APLP2: variants seen among roughly 807,000 people sequenced by gnomAD.
The protein encoded by APLP2 is CDEI box-binding protein.
In APLP2, 53 loss-of-function variants were observed where a neutral mutation model predicts 89.9. That is an observed-to-expected ratio of 0.59 (90% CI 0.47 to 0.74). The LOEUF (loss-of-function observed/expected upper bound fraction) is 0.74. APLP2 is among the 30% of genes least tolerant of loss of function. APLP2 has a pLI of 0.00. For missense variants in APLP2, 973 were observed against 975.9 expected, an observed-to-expected ratio of 1.00 and a Z score of 0.04; for synonymous variants, 372 against 348.6, an observed-to-expected ratio of 1.07 and a Z score of -0.75.
chr11:130,082,247 G>A (rs1943284495), intron 1 of APLP2, among the ~76,000 whole-genome samples: 2 of 151,870 alleles, frequency 1.3e-5, no homozygotes, highest in Non-Finnish European at 2.9e-5. Flanking sequence ...ACAGTGGCAC[G>A]ATTTTGGCTC....
intron 9 of APLP2, among the ~76,000 whole-genome samples, chr11:130,128,578 A>G (rs1204543075): frequency 1.3e-5 from 2 of 152,212 alleles, no homozygotes; most frequent in South Asian, 2.1e-4. Flanking sequence ...CTTGCCCTTC[A>G]TGACTTTATT....
At chr11:130,096,730 A>G (rs1235854887) in intron 1 of APLP2, among the ~76,000 whole-genome samples, 2 of 152,156 alleles carry the variant, frequency 1.3e-5, no homozygotes, top group African/African-American at 4.8e-5. Flanking sequence ...AAAAATACCA[A>G]AAAAGGTGCT....
At chr11:130,106,914 C>CT (rs5795688) in intron 1 of APLP2, among the ~76,000 whole-genome samples, 9,256 of 152,206 alleles carry the variant, frequency 0.061, 738 homozygotes, top group East Asian at 0.24. Context: ...GTCTCGAACT[C>CT]TCGACCTCGT....
In APLP2 at chr11:130,069,920, A is replaced by C. The variant is rs545138766; in HGVS notation, c.-58A>C. The C allele has an allele frequency of 7.6e-7, 1 of 1,323,384 alleles. No individual in the cohort carries two copies. Among genetic ancestry groups the C allele is most frequent in the Admixed American group, 2.2e-5 (1 of 44,996 alleles). 82.0% of individuals were successfully genotyped at this position (1,323,384 alleles called of 1,614,324 possible). A position where few individuals can be genotyped will look rare whatever the true frequency, so the allele number is the denominator to read the frequency against. On this transcript the variant is annotated 5_prime_UTR_variant, in exon 1 of 17. Coordinates refer to ENST00000338167, the MANE Select transcript of APLP2 (RefSeq NM_001142276.2). ...GATGCTTCTGGGTCGCGGTGTGCTA[A>C]GCGAGGAGTCCGAGTGTGTGAGCTT... is the stretch of plus-strand genomic sequence containing the variant.
intron 1 of APLP2, chr11:130,100,449 G>T (rs1946753719): frequency 6.7e-6 from 1 of 149,114 alleles, no homozygotes; most frequent in African/African-American, 2.5e-5. Flanking sequence ...GTTCTGCGTG[G>T]TTTTTTTTTT....
In APLP2 at chr11:130,130,041, C is replaced by G. The variant is rs778916859; in HGVS notation, c.1459C>G (p.His487Asp). ...AALQSDPPRPHRILQALRRYV... is the reference protein window; with the variant it reads ...AALQSDPPRPDRILQALRRYV... ...AAACAACTGTTCTCTCTTGCAGCCT[C>G]ATCGCATTCTCCAGGCCTTACGGCG... The change falls in exon 11 of 17, where the codon CAT becomes GAT. Residue 487 changes from histidine to aspartate, a missense_variant. Physicochemically the swap from His to Asp is moderately conservative, Grantham distance 81. Transcript: ENST00000338167. 44 of 1,614,204 alleles carry G rather than the reference C, an allele frequency of 2.7e-5. 1 individual carries two copies. The highest frequency in any genetic ancestry group is 3.3e-5 in the Non-Finnish European group (39 of 1,179,992).
In APLP2 at chr11:130,140,392, A is replaced by G; in HGVS notation, c.1838-6A>G. On this transcript the variant is annotated splice_polypyrimidine_tract_variant and splice_region_variant and intron_variant, in intron 13 of 16. Coordinates refer to ENST00000338167, the MANE Select transcript of APLP2 (RefSeq NM_001142276.2). ...GGGAACTCAGCCATGATCTCTCTCC[A>G]CACAGGATCTGGAGTGGGAGAGCAG... is the stretch of plus-strand genomic sequence containing the variant. 6.2e-7 allele frequency: 1 copy of G among 1,600,430 alleles called. No individual in the cohort carries two copies. Among genetic ancestry groups the G allele is most frequent in the Non-Finnish European group, 8.5e-7 (1 of 1,174,228 alleles).
At chr11:130,113,550 C>T (rs949596909) in intron 3 of APLP2, among the ~76,000 whole-genome samples, 4 of 152,084 alleles carry the variant, frequency 2.6e-5, no homozygotes, top group African/African-American at 7.2e-5. Context: ...TGAGCCTAAA[C>T]GAATAAGGGG....
rs778175330 is a variant in APLP2 at position 130,126,814 on chromosome 11, G to A, written c.1205G>A (p.Arg402His). The part of the protein sequence containing the change: ...KAKEQLEIRH[R>H]NRMDRVKKEW... ...AAGGAGCAGCTGGAGATTCGGCACC[G>A]CAACCGAATGGACAGGGTAAACCTT... Residue 402 changes from arginine to histidine, a missense_variant, in exon 8 of 17, where the codon CGC becomes CAC. Arg to His is a conservative substitution (Grantham distance 29). Transcript: ENST00000338167. 71 of 1,614,038 alleles carry A rather than the reference G, an allele frequency of 4.4e-5. No individual in the cohort carries two copies. Among genetic ancestry groups the A allele is most frequent in the Middle Eastern group, 1.6e-4 (1 of 6,082 alleles).
chr11:130,106,382 T>A (rs1947759827), intron 1 of APLP2, among the ~76,000 whole-genome samples: 1 of 152,218 alleles, frequency 6.6e-6, no homozygotes. Context: ...AATGTGCACC[T>A]CCAGTGTCCT....
rs1469566240 is a variant in APLP2 at position 130,083,021 on chromosome 11, C to CTTTTTTT, written c.105+12943_105+12944insTTTTTTT. ...AAATATATTAACCACTGAAACTTTTCTTTTCTTTTTTTTTTTTTTTTTTTT... is the reference window on the plus strand; with the variant it reads ...AAATATATTAACCACTGAAACTTTTCTTTTTTTTTTTCTTTTTTTTTTTTTTTTTTTT... On this transcript the variant is annotated intron_variant, in intron 1 of 16. Coordinates refer to ENST00000338167, the MANE Select transcript of APLP2 (RefSeq NM_001142276.2). 6.4e-4 allele frequency among the ~76,000 whole-genome samples: 51 copies of CTTTTTTT among 79,964 alleles called. 2 individuals are homozygous for CTTTTTTT. Among genetic ancestry groups the CTTTTTTT allele is most frequent in the East Asian group, 3.5e-3 (7 of 1,990 alleles). The allele number at this position is 79,964 out of a possible 152,430, so 52.5% of individuals were successfully genotyped here. A position where few individuals can be genotyped will look rare whatever the true frequency, so the allele number is the denominator to read the frequency against.
chr11:130,096,709 C>A (rs1466522220), intron 1 of APLP2, among the ~76,000 whole-genome samples: 1 of 152,164 alleles, frequency 6.6e-6, no homozygotes, highest in African/African-American at 2.4e-5. Context: ...CAGAGCAAGA[C>A]CCTGTCTCTA....
intron 1 of APLP2, among the ~76,000 whole-genome samples, chr11:130,085,841 T>C (rs570572782): frequency 6.6e-6 from 1 of 152,320 alleles, no homozygotes; most frequent in East Asian, 1.9e-4. Flanking sequence ...GAGTTTGGTG[T>C]ATTTAGTATA....
rs949800058 is a variant in APLP2 at position 130,133,678 on chromosome 11, C to G, written c.1634C>G (p.Ser545Cys). The change falls in exon 12 of 17, where the codon TCT becomes TGT. Residue 545 changes from serine (S) to cysteine (C), a missense_variant. Transcript: ENST00000338167. Reference sequence around the variant, plus strand: ...GAAGAAAGGAGGAACCAAAGCCTCTCTCTGCTCTACAAAGTACCTTATGTA... The same window carrying G: ...GAAGAAAGGAGGAACCAAAGCCTCTGTCTGCTCTACAAAGTACCTTATGTA... ...VIEERRNQSL[S>C]LLYKVPYVAQ... The G allele has an allele frequency of 6.2e-7, 1 of 1,614,204 alleles. No homozygotes were observed. The highest frequency in any genetic ancestry group is 1.7e-5 in the Admixed American group (1 of 60,030).
chr11:130,127,197 T>C (rs1271448060), intron 8 of APLP2, among the ~76,000 whole-genome samples: 2 of 151,842 alleles, frequency 1.3e-5, no homozygotes, highest in Non-Finnish European at 2.9e-5. Flanking sequence ...CATACAAATA[T>C]ATTAGATGAA....
At chr11:130,130,849 GGCC>G (rs1950869774) in intron 11 of APLP2, among the ~76,000 whole-genome samples, 1 of 152,192 alleles carries the variant, frequency 6.6e-6, no homozygotes, top group Non-Finnish European at 1.5e-5. Flanking sequence ...CACGGGTGCT[GGCC>G]TGTCAGCCCA....
rs1395075235 is a variant in APLP2 at position 130,070,044 on chromosome 11, C to T, written c.67C>T (p.Leu23Phe). Reference sequence around the variant, plus strand: ...GCTCCTGCTTCTGCTGCTGGTGGGGCTCACGGCGCCTGCCTTGGCGCTGGC... The same window carrying T: ...GCTCCTGCTTCTGCTGCTGGTGGGGTTCACGGCGCCTGCCTTGGCGCTGGC... Reference protein sequence around the residue: ...GRLLLLLLVGLTAPALALAGY... With the variant: ...GRLLLLLLVGFTAPALALAGY... The change falls in exon 1 of 17, where the codon CTC becomes TTC. Residue 23 changes from leucine (L) to phenylalanine (F), a missense_variant. Transcript: ENST00000338167. 8.0e-6 allele frequency: 12 copies of T among 1,508,712 alleles called. No homozygotes were observed. Among genetic ancestry groups the T allele is most frequent in the Admixed American group, 2.1e-5 (1 of 48,408 alleles). 93.5% of individuals were successfully genotyped at this position (1,508,712 alleles called of 1,614,324 possible).
chr11:130,078,241 A>G (rs1481513486), intron 1 of APLP2, among the ~76,000 whole-genome samples: 1 of 151,220 alleles, frequency 6.6e-6, no homozygotes, highest in Non-Finnish European at 1.5e-5. Context: ...CATTCACTAG[A>G]CACATTTTTG....
rs1950085342 is a variant in APLP2, at chr11:130,123,756, G to T, written c.1067G>T (p.Cys356Phe). ...NRNNFESEDYCMAVCKAMIPP... is the reference protein window; with the variant it reads ...NRNNFESEDYFMAVCKAMIPP... ...AACAATTTTGAGTCTGAGGATTATT[G>T]TATGGCTGTGTGTAAAGCGATGAGT... Residue 356 changes from cysteine to phenylalanine, a missense_variant, in exon 7 of 17, where the codon TGT becomes TTT. Coordinates refer to ENST00000338167, the MANE Select transcript of APLP2 (RefSeq NM_001142276.2). The surrounding 1 kb of genome is among the most constrained non-coding windows in gnomAD (Gnocchi z 4.0). The T allele has an allele frequency of 1.2e-6, 2 of 1,614,116 alleles. No individual in the cohort carries two copies.
Sources: allele counts gnomAD v4.1 joint callset (sites outside exome capture counted in the v4.1 genomes callset), GRCh38; gene constraint gnomAD v4.1.1; non-coding constraint Gnocchi (gnomAD v3.1); transcripts MANE v1.5; gene names NCBI Gene and HGNC (gene_info 2026-07-23, HGNC 2026-07-21).